ZFP36L1: variants seen among roughly 807,000 people sequenced by gnomAD.
The protein encoded by ZFP36L1 is ZFP36 like 1 zinc finger CCCH-type.
In ZFP36L1, 4 loss-of-function variants were observed where a neutral mutation model predicts 16.7. The observed-to-expected ratio is 0.24, with a 90% CI of 0.12 to 0.55. The LOEUF is 0.55. ZFP36L1 is among the 20% of genes least tolerant of loss of function. The probability of loss-of-function intolerance (pLI) is 0.94; values close to 1 mark genes in which losing one functional copy is unlikely to be tolerated. For missense variants in ZFP36L1, 311 were observed against 449.2 expected (o/e 0.69, Z 2.78); for synonymous variants, 220 against 190.8 (o/e 1.15, Z -1.26).
intron 1 of ZFP36L1, among the ~76,000 whole-genome samples, chr14:68,792,492 G>A (rs564463096): frequency 1.3e-5 from 2 of 152,226 alleles, no homozygotes; most frequent in African/African-American, 4.8e-5. Flanking sequence ...GGGTAATGCC[G>A]CTGGACAGAC....
upstream of ZFP36L1, chr14:68,793,498 G>C (rs945903310): frequency 1.1e-5 from 11 of 986,506 alleles, no homozygotes; most frequent in African/African-American, 1.6e-4. Context: ...GGTTCTTGTT[G>C]TCATGTTGTT....
chr14:68,790,968 C>G, intron 1 of ZFP36L1: 3 of 682,648 alleles, frequency 4.4e-6, no homozygotes, highest in Non-Finnish European at 5.3e-6. Context: ...TAATTGATAC[C>G]CCCTCCTTCA....
Position 68,790,323 on chromosome 14 carries a change from G to T in ZFP36L1, c.227C>A (p.Ala76Asp). 6.2e-7 allele frequency: 1 copy of T among 1,610,330 alleles called. No individual in the cohort carries two copies. The highest frequency in any genetic ancestry group is 2.2e-5 in the East Asian group (1 of 44,830). Residue 76 changes from alanine (A) to aspartate (D), a missense_variant, in exon 2 of 2, where the codon GCC becomes GAC. Physicochemically the swap from Ala to Asp is moderately radical, Grantham distance 126 (BLOSUM62 -2). Coordinates refer to ENST00000439696, the MANE Select transcript of ZFP36L1 (RefSeq NM_004926.4). ...GCTGTCTCGCGAGCTCAGAGCGGGG[G>T]CTGGCTCACCCTTGAGGCTGCTGAG... ...QLLSSLKGEP[A>D]PALSSRDSRF...
Position 68,790,274 on chromosome 14 carries a change from C to A in ZFP36L1, c.276G>T (p.Ser92=). The change falls in exon 2 of 2, where the codon TCG becomes TCT. Residue 92 remains serine, a synonymous_variant. Transcript: ENST00000439696. ...RDSRFRDRSF[S]EGGERLLPTQ... is the part of the protein sequence containing the mutation. ...TGGGCAGCAGCCGCTCGCCCCCTTC[C>A]GAGAAGGAGCGGTCTCGGAAGCGGC... 1.2e-6 allele frequency: 2 copies of A among 1,610,518 alleles called. No homozygotes were observed. The highest frequency in any genetic ancestry group is 1.7e-6 in the Non-Finnish European group (2 of 1,179,810).
upstream of ZFP36L1, chr14:68,795,893 G>A (rs1384404769): frequency 1.3e-6 from 1 of 794,248 alleles, no homozygotes; most frequent in Non-Finnish European, 2.0e-6. Context: ...AGGGCCCGAG[G>A]GCGGGAGCCG....
At chr14:68,793,257 G>A (rs1267774702), upstream of ZFP36L1, 11 of 1,113,486 alleles carry the variant, frequency 9.9e-6, no homozygotes, top group African/African-American at 1.6e-5. Flanking sequence ...AAGGAAGAAG[G>A]GGGAGGGGAG....
chr14:68,792,730 T>C (rs1895129879), intron 1 of ZFP36L1, 152 bp downstream of exon 1: 3 of 1,163,600 alleles, frequency 2.6e-6, no homozygotes, highest in Non-Finnish European at 2.5e-6. Flanking sequence ...GGGGCCAAAT[T>C]CCTTCAAACT....
Position 68,790,232 on chromosome 14 carries a change from C to T in ZFP36L1, c.318G>A (p.Gly106=). Residue 106 remains glycine (G), a synonymous_variant, in exon 2 of 2, where the codon GGG becomes GGA. Coordinates refer to ENST00000439696, the MANE Select transcript of ZFP36L1 (RefSeq NM_004926.4). ...ERLLPTQKQP[G]GGQVNSSRYK... is the part of the protein sequence containing the mutation. Reference sequence around the variant, plus strand: ...AGCGGCTGGAGTTGACCTGGCCGCCCCCGGGCTGCTTCTGGGTGGGCAGCA... The same window carrying T: ...AGCGGCTGGAGTTGACCTGGCCGCCTCCGGGCTGCTTCTGGGTGGGCAGCA... 1.2e-6 allele frequency: 2 copies of T among 1,612,574 alleles called. No individual in the cohort carries two copies. The highest frequency in any genetic ancestry group is 1.1e-5 in the South Asian group (1 of 91,078).
At chr14:68,793,929 T>TGGGGGGGGGGGGGGGGGG, upstream of ZFP36L1, 6 of 180,448 alleles carry the variant, frequency 3.3e-5, no homozygotes, top group Non-Finnish European at 5.2e-5. Context: ...TGTGGGCGGG[T>TGGGGGGGGGGGGGGGGGG]GGGGGGCGCC....
chr14:68,793,877 G>T (rs1315677212), upstream of ZFP36L1: 1 of 984,556 alleles, frequency 1.0e-6, no homozygotes, highest in East Asian at 1.1e-4. Context: ...TGCGCCGCAC[G>T]CGTCGACACT....
rs1895002673 is a variant in ZFP36L1, at chr14:68,789,400, T to C, written c.*133A>G. On this transcript the variant is annotated 3_prime_UTR_variant, in exon 2 of 2. Coordinates refer to ENST00000439696, the MANE Select transcript of ZFP36L1 (RefSeq NM_004926.4). The surrounding 1 kb of genome is among the most constrained non-coding windows in gnomAD (Gnocchi z 4.5). ...AGAGGGAGGGCACATTCTGAGGTGC[T>C]GGGGGAAAGGGGTTGAGCTTAACCT... 7.3e-7 allele frequency: 1 copy of C among 1,364,820 alleles called. No homozygotes were observed. Among genetic ancestry groups the C allele is most frequent in the African/African-American group, 1.5e-5 (1 of 68,232 alleles). The allele number at this position is 1,364,820 out of a possible 1,614,324, so 84.5% of individuals were successfully genotyped here. A position where few individuals can be genotyped will look rare whatever the true frequency, so the allele number is the denominator to read the frequency against.
At chr14:68,795,963 C>A, upstream of ZFP36L1, 1 of 1,312,566 alleles carries the variant, frequency 7.6e-7, no homozygotes, top group South Asian at 1.2e-5. Context: ...GGCGGCCCTA[C>A]GGTGCAGGAA....
intron 1 of ZFP36L1, 85 bp downstream of exon 1, chr14:68,792,797 C>G (rs1895134353): frequency 6.3e-7 from 1 of 1,582,486 alleles, no homozygotes; most frequent in African/African-American, 1.4e-5. Flanking sequence ...TCCCCATTGC[C>G]TTCCAAGACC....
chr14:68,793,384 C>G (rs189164456), upstream of ZFP36L1: 2 of 1,002,822 alleles, frequency 2.0e-6, no homozygotes, highest in Non-Finnish European at 2.4e-6. Flanking sequence ...GCGCTTCAGG[C>G]GCCCCCTCTC....
Position 68,788,594 on chromosome 14 carries a change from T to A in ZFP36L1, c.*939A>T, listed in dbSNP as rs959234893. On this transcript the variant is annotated 3_prime_UTR_variant, in exon 2 of 2. Coordinates refer to ENST00000439696, the MANE Select transcript of ZFP36L1 (RefSeq NM_004926.4). ...TACCATTAACTGCTCACCCCTTACT[T>A]TTTTTTTTTTAGCTTTTCTCTCATT... 6.8e-6 allele frequency: 1 copy of A among 147,634 alleles called. No individual in the cohort carries two copies. The highest frequency in any genetic ancestry group is 1.5e-5 in the Non-Finnish European group (1 of 66,402). 9.1% of individuals were successfully genotyped at this position (147,634 alleles called of 1,614,324 possible). A position where few individuals can be genotyped will look rare whatever the true frequency, so the allele number is the denominator to read the frequency against.
intron 1 of ZFP36L1, chr14:68,791,260 G>C (rs542674389): frequency 3.6e-6 from 2 of 553,550 alleles, no homozygotes; most frequent in Non-Finnish European, 6.4e-6. Flanking sequence ...TTGGCTGCAA[G>C]AGCAAGCTTG....
At chr14:68,791,174 ATC>A (rs775386340) in intron 1 of ZFP36L1, 2 of 652,758 alleles carry the variant, frequency 3.1e-6, no homozygotes, top group Non-Finnish European at 5.5e-6. Flanking sequence ...TTCTACAATA[ATC>A]TCTCTCACCA....
chr14:68,794,854 C>T (rs759806337), upstream of ZFP36L1: 1 of 152,688 alleles, frequency 6.5e-6, no homozygotes, highest in Non-Finnish European at 1.5e-5. Context: ...TGAAACCCAA[C>T]TTTTGCTGCA....
In ZFP36L1 at chr14:68,790,430, T is replaced by C; in HGVS notation, c.120A>G (p.Ala40=). The change falls in exon 2 of 2, where the codon GCA becomes GCG. Residue 40 remains alanine, a synonymous_variant. Coordinates refer to ENST00000439696, the MANE Select transcript of ZFP36L1 (RefSeq NM_004926.4). ...SAGGCLLDRK[A]VGTPAGGGFP... is the part of the protein sequence containing the mutation. Reference sequence around the variant, plus strand: ...AGCCCCCACCAGCAGGGGTGCCCACTGCCTTTCTGTCCAGCAGGCAACCCC... The same window carrying C: ...AGCCCCCACCAGCAGGGGTGCCCACCGCCTTTCTGTCCAGCAGGCAACCCC... 1 of 1,614,062 alleles carries C rather than the reference T, an allele frequency of 6.2e-7. No homozygotes were observed.
Sources: gnomAD v4.1 joint callset for allele counts (sites outside exome capture counted in the v4.1 genomes callset) on GRCh38, gnomAD v4.1.1 for gene constraint, Gnocchi (gnomAD v3.1) non-coding constraint, MANE v1.5 for transcripts, NCBI Gene and HGNC (gene_info 2026-07-23, HGNC 2026-07-21) for gene names.